The following CCDC7 variants were observed in gnomAD, a reference collection of about 807,000 sequenced individuals.
CCDC7 encodes coiled-coil domain containing 7.
CCDC7 carries 183 observed loss-of-function variants against 196.9 expected under a neutral mutation model. The observed-to-expected ratio is 0.93, with a 90% CI of 0.82 to 1.05. CCDC7 has a LOEUF of 1.05. Among genes scored for constraint, CCDC7 ranks in the 50% least tolerant of loss-of-function variants. The pLI, the probability that CCDC7 is intolerant of heterozygous loss-of-function variation, is 0.00. For missense variants in CCDC7, 1,540 were observed against 1,482.2 expected, an observed-to-expected ratio of 1.04 and a Z score of -0.64; for synonymous variants, 525 against 484.6, an observed-to-expected ratio of 1.08 and a Z score of -1.10.
chr10:32,704,788 C>T (rs188705309), intron 24 of CCDC7, among the ~76,000 whole-genome samples: 3 of 152,224 alleles, frequency 2.0e-5, no homozygotes, highest in African/African-American at 7.2e-5. Context: ...GACGCTCCGT[C>T]AGTCAGTGTA....
chr10:32,456,468 A>G (rs2244153), intron 3 of CCDC7, 134 bp downstream of exon 4: 620,779 of 636,260 alleles, frequency 0.98, 304,439 homozygotes, highest in East Asian at 1. Context: ...GCATTGGAAA[A>G]CATTATTTAT....
chr10:32,473,563 G>A (rs1267254343), intron 7 of CCDC7, among the ~76,000 whole-genome samples: 1 of 152,094 alleles, frequency 6.6e-6, no homozygotes, highest in Non-Finnish European at 1.5e-5. Flanking sequence ...AGTAGGAAAG[G>A]GAAGTTATTA....
chr10:32,666,107 G>A (rs1052503471), intron 21 of CCDC7, among the ~76,000 whole-genome samples: 2 of 137,580 alleles, frequency 1.5e-5, no homozygotes, highest in African/African-American at 5.5e-5. Flanking sequence ...GGAGTCTTTA[G>A]AGTATTCTTT....
chr10:32,730,823 A>C (rs1395887552), intron 28 of CCDC7, among the ~76,000 whole-genome samples: 1 of 152,036 alleles, frequency 6.6e-6, no homozygotes, highest in African/African-American at 2.4e-5. Context: ...CTGCAACTAG[A>C]GCTGCTAGAA....
intron 28 of CCDC7, among the ~76,000 whole-genome samples, chr10:32,750,371 A>G (rs908025828): frequency 6.6e-6 from 1 of 152,200 alleles, no homozygotes; most frequent in Non-Finnish European, 1.5e-5. Flanking sequence ...TGTCCAGCAA[A>G]AACATAAGGA....
At chr10:32,664,812 A>G (rs1312582977) in intron 21 of CCDC7, among the ~76,000 whole-genome samples, 1 of 152,040 alleles carries the variant, frequency 6.6e-6, no homozygotes, top group African/African-American at 2.4e-5. Flanking sequence ...CTGATTTCAT[A>G]TCCTTTGGAG....
intron 28 of CCDC7, among the ~76,000 whole-genome samples, chr10:32,734,213 A>AAAATGTGGT (rs1373790192): frequency 6.6e-6 from 1 of 152,230 alleles, no homozygotes; most frequent in Non-Finnish European, 1.5e-5. Flanking sequence ...CTGTATAAAG[A>AAAATGTGGT]AAATGTGGTA....
exon 14 of CCDC7, chr10:32,565,595 A>G: frequency 6.2e-7 from 1 of 1,609,426 alleles, no homozygotes; most frequent in Non-Finnish European, 8.5e-7. Context: ...AAAGTCCTTC[A>G]GGAGCAATTG....
chr10:32,633,621 T>C (rs1035882689), intron 18 of CCDC7, among the ~76,000 whole-genome samples: 4 of 151,838 alleles, frequency 2.6e-5, no homozygotes, highest in African/African-American at 4.8e-5. Flanking sequence ...CTTTCCTCAG[T>C]AGGTTCACTT....
At chr10:32,550,739 G>A (rs1188367837) in intron 13 of CCDC7, among the ~76,000 whole-genome samples, 1 of 152,110 alleles carries the variant, frequency 6.6e-6, no homozygotes, top group Admixed American at 6.5e-5. Flanking sequence ...TGCATCCCTG[G>A]TATGAAACCC....
At chr10:32,538,141 AT>A (rs1356220190) in intron 11 of CCDC7, among the ~76,000 whole-genome samples, 1 of 151,958 alleles carries the variant, frequency 6.6e-6, no homozygotes, top group Admixed American at 6.6e-5. Context: ...ATGTTTTCCC[AT>A]TTTTTTGTGT....
intron 41 of CCDC7, 54 bp downstream of exon 42, chr10:32,854,543 T>G (rs1284403963): frequency 1.3e-5 from 15 of 1,139,590 alleles, no homozygotes; most frequent in Non-Finnish European, 1.8e-5. Flanking sequence ...TGCTATATTC[T>G]CATCGTCTCT....
chr10:32,552,857 T>C (rs1396689386), intron 13 of CCDC7, among the ~76,000 whole-genome samples: 1 of 152,202 alleles, frequency 6.6e-6, no homozygotes, highest in Admixed American at 6.5e-5. Context: ...TAAGATTCTT[T>C]CCTTCATCTT....
intron 31 of CCDC7, among the ~76,000 whole-genome samples, chr10:32,820,853 C>T (rs1323624967): frequency 6.6e-6 from 1 of 152,036 alleles, no homozygotes; most frequent in East Asian, 1.9e-4. Context: ...GACCTAAAAC[C>T]ATAAAAACCC....
Position 32,453,567 on chromosome 10 carries a change from A to G in CCDC7, c.372+131A>G, listed in dbSNP as rs1024276301. ...CCTCAGAATGAATTTCCCATCCATG[A>G]AAATGATCCTCTTAGAAAATTACTC... On this transcript the variant is annotated intron_variant, in intron 2 of 41. Coordinates refer to ENST00000639629, the Ensembl canonical transcript of CCDC7. The G allele has an allele frequency of 1.1e-5, 7 of 620,492 alleles. No homozygotes were observed. The African/African-American group carries it at 1.4e-4, about 12-fold the overall frequency. The allele number at this position is 620,492 out of a possible 1,614,324, so 38.4% of individuals were successfully genotyped here.
chr10:32,612,390 C>T (rs1186941987), intron 18 of CCDC7, among the ~76,000 whole-genome samples: 7 of 152,126 alleles, frequency 4.6e-5, no homozygotes, highest in African/African-American at 1.4e-4. Flanking sequence ...TTCCTCTCAT[C>T]CTATTCGAAT....
chr10:32,759,532 G>C (rs1195789675), intron 28 of CCDC7, among the ~76,000 whole-genome samples: 1 of 152,082 alleles, frequency 6.6e-6, no homozygotes, highest in East Asian at 1.9e-4. Flanking sequence ...GGGAAAACTG[G>C]CTAGCCATAT....
chr10:32,614,964 A>G (rs1228454134), intron 18 of CCDC7, among the ~76,000 whole-genome samples: 1 of 152,174 alleles, frequency 6.6e-6, no homozygotes, highest in Non-Finnish European at 1.5e-5. Context: ...TGCTGCAAAA[A>G]ACATGAATTC....
intron 28 of CCDC7, among the ~76,000 whole-genome samples, chr10:32,752,872 T>TG (rs1565395781): frequency 6.6e-6 from 1 of 151,426 alleles, no homozygotes; most frequent in Non-Finnish European, 1.5e-5. Context: ...TATTATGTAA[T>TG]TTTTTTTCCT....
Sources: gnomAD v4.1 joint callset for allele counts (sites outside exome capture counted in the v4.1 genomes callset) on GRCh38, gnomAD v4.1.1 for gene constraint, MANE v1.5 for transcripts, NCBI Gene and HGNC (gene_info 2026-07-23, HGNC 2026-07-21) for gene names.